Variants in C3orf52 observed in about 807,000 individuals in gnomAD.
C3orf52 encodes the protein chromosome 3 open reading frame 52, also known as TPA-induced transmembrane protein.
Under a neutral mutation model 24.8 loss-of-function variants are expected in C3orf52, and 22 were observed. The ratio of observed to expected loss-of-function variants is 0.89; its 90% CI spans 0.63 to 1.27. The LOEUF (loss-of-function observed/expected upper bound fraction) is 1.27. C3orf52 is among the 50% of genes most tolerant of loss of function. C3orf52 has a pLI of 0.00. For missense variants in C3orf52, 265 were observed against 260.7 expected (o/e 1.02, Z -0.11); for synonymous variants, 93 against 100.2 (o/e 0.93, Z 0.43).
At chr3:112,131,249 G>C (rs942713551), downstream of C3orf52, among the ~76,000 whole-genome samples, 1 of 152,144 alleles carries the variant, frequency 6.6e-6, no homozygotes, top group African/African-American at 2.4e-5. Flanking sequence ...CCACTAAGGG[G>C]GAAAAGCTGG....
At chr3:112,115,995 G>A (rs1170629366) in intron 5 of C3orf52, among the ~76,000 whole-genome samples, 1 of 152,166 alleles carries the variant, frequency 6.6e-6, no homozygotes, top group East Asian at 1.9e-4. Context: ...AGCATCATGA[G>A]TTATTTTGGA....
chr3:112,092,395 A>G (rs1257147144), intron 1 of C3orf52, among the ~76,000 whole-genome samples: 1 of 152,184 alleles, frequency 6.6e-6, no homozygotes, highest in East Asian at 1.9e-4. Context: ...CATGGTCTCC[A>G]TGAAAGAATT....
intron 1 of C3orf52, among the ~76,000 whole-genome samples, chr3:112,090,030 G>T (rs1037096235): frequency 6.6e-6 from 1 of 152,150 alleles, no homozygotes; most frequent in African/African-American, 2.4e-5. Context: ...CTCTCCTCAC[G>T]ATCTAGAATT....
At chr3:112,119,529 T>G (rs564397767), downstream of C3orf52, 3 of 702,870 alleles carry the variant, frequency 4.3e-6, no homozygotes, top group Non-Finnish European at 5.2e-6. Context: ...AGATTTGCCT[T>G]CCTTTACACA....
At chr3:112,098,424 T>C (rs2073943473) in intron 2 of C3orf52, among the ~76,000 whole-genome samples, 1 of 152,210 alleles carries the variant, frequency 6.6e-6, no homozygotes, top group Non-Finnish European at 1.5e-5. Flanking sequence ...TCATTCTTTT[T>C]CTTGGAGAGC....
At position 112,113,089 on chromosome 3, in the gene C3orf52, A is replaced by G. The variant is rs1195785679; in HGVS notation, c.593A>G (p.Gln198Arg). ...LGILLQDFRDQNIPGCESLGL... is the reference protein window; with the variant it reads ...LGILLQDFRDRNIPGCESLGL... ...ATTTTGCTACAGGATTTCCGTGATCAGAATATACCTGGTTGTGAGAGTCTG... is the reference window on the plus strand; with the variant it reads ...ATTTTGCTACAGGATTTCCGTGATCGGAATATACCTGGTTGTGAGAGTCTG... Residue 198 changes from glutamine (Q) to arginine (R), a missense_variant, in exon 5 of 6, where the codon CAG becomes CGG. By Grantham distance (43) the Gln-to-Arg change is conservative (BLOSUM62 1). Transcript: ENST00000264848. The G allele has an allele frequency of 1.9e-6, 3 of 1,611,596 alleles. No homozygotes were observed. The East Asian group carries it at 6.7e-5, about 36-fold the overall frequency.
chr3:112,128,434 G>A, exon 5 of C3orf52: 1 of 372,666 alleles, frequency 2.7e-6, no homozygotes, highest in Non-Finnish European at 5.2e-6. Context: ...GTATGGGTTA[G>A]GCAATATCAG....
chr3:112,100,745 A>C (rs527749161), intron 2 of C3orf52, among the ~76,000 whole-genome samples: 1 of 152,358 alleles, frequency 6.6e-6, no homozygotes, highest in African/African-American at 2.4e-5. Context: ...TAAAAATGAT[A>C]AATGTCATAT....
intron 4 of C3orf52, 67 bp from the exon 5 acceptor site, chr3:112,112,897 C>A (rs1397492672): frequency 1.5e-6 from 2 of 1,292,342 alleles, no homozygotes; most frequent in Non-Finnish European, 2.2e-6. Flanking sequence ...AAAGTTATTG[C>A]TTAAATTCAT....
intron 4 of C3orf52, chr3:112,126,941 TGTAA>T: frequency 1.6e-6 from 2 of 1,263,000 alleles, no homozygotes; most frequent in Non-Finnish European, 2.3e-6. Flanking sequence ...AGTTTGGAAA[TGTAA>T]GTCTTATCAA....
chr3:112,086,636 C>A, intron 1 of C3orf52, 91 bp downstream of exon 1: 1 of 1,460,202 alleles, frequency 6.8e-7, no homozygotes, highest in South Asian at 1.3e-5. Context: ...GGTTTCCAGT[C>A]AGGCGGGGCG....
intron 1 of C3orf52, 45 bp from the exon 2 acceptor site, chr3:112,093,315 G>C: frequency 1.9e-6 from 3 of 1,607,820 alleles, no homozygotes; most frequent in Non-Finnish European, 2.6e-6. Context: ...AGAACTGTCT[G>C]TTGCAACACA....
intron 2 of C3orf52, 25 bp downstream of exon 2, chr3:112,093,514 A>G: frequency 6.2e-7 from 1 of 1,600,430 alleles, no homozygotes; most frequent in Non-Finnish European, 8.5e-7. Context: ...ATGTGAATAA[A>G]TAACACATTT....
intron 1 of C3orf52, among the ~76,000 whole-genome samples, chr3:112,088,432 T>C (rs1404172488): frequency 6.6e-6 from 1 of 152,274 alleles, no homozygotes; most frequent in Non-Finnish European, 1.5e-5. Context: ...TAACCCTGTT[T>C]AGTAACTGTC....
At chr3:112,127,938 A>G in intron 4 of C3orf52, 1 of 1,191,576 alleles carries the variant, frequency 8.4e-7, no homozygotes. Flanking sequence ...GGCCACAGAC[A>G]GTCACAGGTA....
At chr3:112,104,605 A>C (rs572127552) in intron 3 of C3orf52, among the ~76,000 whole-genome samples, 1 of 150,904 alleles carries the variant, frequency 6.6e-6, no homozygotes, top group Non-Finnish European at 1.5e-5. Flanking sequence ...TATATCTTTA[A>C]ATTTTTTTTA....
chr3:112,125,813 C>T (rs1202062970), intron 4 of C3orf52, among the ~76,000 whole-genome samples: 1 of 152,160 alleles, frequency 6.6e-6, no homozygotes. Context: ...GCTAAATATT[C>T]CCATTCCTAT....
At chr3:112,106,030 T>C (rs1385450729) in intron 3 of C3orf52, among the ~76,000 whole-genome samples, 1 of 152,066 alleles carries the variant, frequency 6.6e-6, no homozygotes, top group Non-Finnish European at 1.5e-5. Flanking sequence ...GATAAAAAGG[T>C]ACATAGGGCG....
At chr3:112,114,944 G>A (rs144849873) in intron 5 of C3orf52, among the ~76,000 whole-genome samples, 187 of 152,310 alleles carry the variant, frequency 1.2e-3, no homozygotes, top group African/African-American at 4.4e-3. Context: ...CTGCTTGTGA[G>A]ACCTGAGGAG....
Sources: allele counts gnomAD v4.1 joint callset (sites outside exome capture counted in the v4.1 genomes callset), GRCh38; gene constraint gnomAD v4.1.1; transcripts MANE v1.5; gene names NCBI Gene and HGNC (gene_info 2026-07-23, HGNC 2026-07-21).